The following TMEM232 variants were observed in gnomAD, a reference collection of about 807,000 sequenced individuals.
The protein encoded by TMEM232 is transmembrane protein 232.
In TMEM232, 80 loss-of-function variants were observed where a neutral mutation model predicts 78.8. The observed-to-expected ratio is 1.01, with a 90% confidence interval of 0.85 to 1.22. The LOEUF is 1.22. Among genes scored for constraint, TMEM232 ranks in the 50% most tolerant of loss-of-function variants. TMEM232 has a pLI of 0.00. For synonymous variants in TMEM232, 297 were observed against 254.3 expected (o/e 1.17, Z -1.60); for missense variants, 881 against 742.2 (o/e 1.19, Z -2.17).
intron 12 of TMEM232, among the ~76,000 whole-genome samples, chr5:110,434,025 G>T (rs560869814): frequency 1.3e-5 from 2 of 151,558 alleles, no homozygotes; most frequent in Non-Finnish European, 2.9e-5. Flanking sequence ...TTTCCTCCTT[G>T]ATTTTTTGGA....
At chr5:110,573,537 A>T (rs1777200317) in intron 10 of TMEM232, among the ~76,000 whole-genome samples, 2 of 152,094 alleles carry the variant, frequency 1.3e-5, no homozygotes, top group South Asian at 4.1e-4. Flanking sequence ...CTCTGTACTA[A>T]AGAAAAAGAC....
chr5:110,548,071 C>A (rs1188689086), intron 11 of TMEM232, among the ~76,000 whole-genome samples: 1 of 149,598 alleles, frequency 6.7e-6, no homozygotes, highest in Non-Finnish European at 1.5e-5. Flanking sequence ...CAGAGGCTCA[C>A]TGAAAGGCTA....
At chr5:110,683,146 A>G (rs1021900697) in intron 1 of TMEM232, among the ~76,000 whole-genome samples, 17 of 152,270 alleles carry the variant, frequency 1.1e-4, no homozygotes, top group African/African-American at 4.1e-4. Flanking sequence ...ATACCCTTTT[A>G]ATTAATTATA....
chr5:110,529,876 T>G (rs1771172032), intron 11 of TMEM232, among the ~76,000 whole-genome samples: 1 of 152,350 alleles, frequency 6.6e-6, no homozygotes, highest in Non-Finnish European at 1.5e-5. Context: ...GTTACAACTT[T>G]TTTATGTTCA....
At chr5:110,611,348 C>T (rs921871553) in intron 8 of TMEM232, among the ~76,000 whole-genome samples, 2 of 152,090 alleles carry the variant, frequency 1.3e-5, no homozygotes, top group African/African-American at 4.8e-5. Context: ...AGATGGATGA[C>T]AAAAATGTAG....
intron 10 of TMEM232, among the ~76,000 whole-genome samples, chr5:110,576,352 G>T (rs746525628): frequency 1.5e-4 from 23 of 152,002 alleles, no homozygotes; most frequent in Non-Finnish European, 2.4e-4. Context: ...TCTACAAGGA[G>T]AACTACAAAC....
chr5:110,391,984 C>T (rs772251413), intron 3 of TMEM232, among the ~76,000 whole-genome samples: 3 of 152,192 alleles, frequency 2.0e-5, no homozygotes, highest in Non-Finnish European at 4.4e-5. Context: ...ACATATGCAT[C>T]ATATGGCATA....
At chr5:110,706,322 A>G (rs1213167107) in intron 1 of TMEM232, among the ~76,000 whole-genome samples, 2 of 152,196 alleles carry the variant, frequency 1.3e-5, no homozygotes, top group Non-Finnish European at 2.9e-5. Flanking sequence ...TCCAACTATC[A>G]AAATGTATGT....
intron 11 of TMEM232, among the ~76,000 whole-genome samples, chr5:110,535,400 C>G (rs1011604043): frequency 3.3e-5 from 5 of 152,132 alleles, no homozygotes; most frequent in Non-Finnish European, 4.4e-5. Context: ...AACGGCCCCA[C>G]ACCTATCTCT....
At chr5:110,655,427 G>A (rs1375183000) in intron 2 of TMEM232, among the ~76,000 whole-genome samples, 2 of 146,630 alleles carry the variant, frequency 1.4e-5, no homozygotes, top group Non-Finnish European at 3.0e-5. Context: ...AGAGGATGTG[G>A]AGAAATAGGA....
At chr5:110,436,299 C>G (rs1758426213) in intron 12 of TMEM232, among the ~76,000 whole-genome samples, 1 of 151,778 alleles carries the variant, frequency 6.6e-6, no homozygotes, top group Non-Finnish European at 1.5e-5. Context: ...TATTTTAAAT[C>G]AGATTATTGG....
intron 12 of TMEM232, among the ~76,000 whole-genome samples, chr5:110,475,442 TTGA>T (rs1374460900): frequency 0.013 from 1,601 of 120,674 alleles, 14 homozygotes; most frequent in Non-Finnish European, 0.019. Flanking sequence ...TATTTATACT[TTGA>T]TTTTTTTTTT....
intron 12 of TMEM232, among the ~76,000 whole-genome samples, chr5:110,441,878 A>G (rs1204648621): frequency 6.6e-6 from 1 of 152,106 alleles, no homozygotes; most frequent in Non-Finnish European, 1.5e-5. Flanking sequence ...TTCACTAGAT[A>G]TACTATTCTA....
chr5:110,458,616 C>T (rs1761152355), intron 12 of TMEM232, among the ~76,000 whole-genome samples: 1 of 152,142 alleles, frequency 6.6e-6, no homozygotes, highest in African/African-American at 2.4e-5. Context: ...AGCAACTAAT[C>T]TCATGGAAGT....
At chr5:110,469,172 G>A (rs1422014885) in intron 12 of TMEM232, among the ~76,000 whole-genome samples, 2 of 151,862 alleles carry the variant, frequency 1.3e-5, no homozygotes, top group African/African-American at 4.8e-5. Context: ...GAAACAAACA[G>A]CCAATACTGT....
chr5:110,432,390 C>A (rs1477570161), intron 12 of TMEM232, among the ~76,000 whole-genome samples: 1 of 151,666 alleles, frequency 6.6e-6, no homozygotes, highest in African/African-American at 2.4e-5. Context: ...AACCGAGCTT[C>A]ATAAACGAAG....
intron 11 of TMEM232, among the ~76,000 whole-genome samples, chr5:110,548,029 A>G (rs1773996128): frequency 6.6e-6 from 1 of 151,432 alleles, no homozygotes; most frequent in African/African-American, 2.4e-5. Context: ...GCAAAAAGCA[A>G]ATAAATGAAT....
At chr5:110,652,103 G>A (rs764652370) in intron 2 of TMEM232, among the ~76,000 whole-genome samples, 1 of 152,160 alleles carries the variant, frequency 6.6e-6, no homozygotes, top group African/African-American at 2.4e-5. Context: ...AGTAAACTGA[G>A]CCAAATGTGA....
intron 1 of TMEM232, among the ~76,000 whole-genome samples, chr5:110,723,326 A>G (rs541879132): frequency 2.0e-5 from 3 of 152,278 alleles, no homozygotes; most frequent in South Asian, 4.1e-4. Flanking sequence ...TCAGAAACAT[A>G]CCTCAAATGT....
Sources: gnomAD v4.1 joint callset for allele counts (sites outside exome capture counted in the v4.1 genomes callset) on GRCh38, gnomAD v4.1.1 for gene constraint, MANE v1.5 for transcripts, NCBI Gene and HGNC (gene_info 2026-07-23, HGNC 2026-07-21) for gene names.